The following ZNF365 variants were observed in gnomAD, a reference collection of about 807,000 sequenced individuals.
ZNF365 encodes protein ZNF365.
A neutral mutation model predicts 35.0 loss-of-function variants in ZNF365; 22 were observed. That is an observed-to-expected ratio of 0.63 (90% CI 0.45 to 0.90). The LOEUF (loss-of-function observed/expected upper bound fraction) is 0.90. Ranked by LOEUF, ZNF365 falls within the 40% of genes least tolerant of loss-of-function variation. ZNF365 has a pLI of 0.00. For synonymous variants in ZNF365, 188 were observed against 196.2 expected, an observed-to-expected ratio of 0.96 and a Z score of 0.35; for missense variants, 448 against 500.3, an observed-to-expected ratio of 0.90 and a Z score of 1.00.
intron 4 of ZNF365, among the ~76,000 whole-genome samples, chr10:62,465,043 A>C (rs998159980): frequency 7.9e-5 from 12 of 152,198 alleles, no homozygotes; most frequent in African/African-American, 2.7e-4. Context: ...CCACCCAGCT[A>C]CAGCTCCAGA....
chr10:62,382,130 C>A (rs1839450210), intron 2 of ZNF365, among the ~76,000 whole-genome samples: 1 of 152,162 alleles, frequency 6.6e-6, no homozygotes, highest in Non-Finnish European at 1.5e-5. Flanking sequence ...CCAGAGCTGA[C>A]CTTGGAATGC....
At chr10:62,429,995 T>C (rs993522930) in intron 3 of ZNF365, among the ~76,000 whole-genome samples, 10 of 152,246 alleles carry the variant, frequency 6.6e-5, no homozygotes, top group Admixed American at 4.6e-4. Context: ...GCAGGGTTTA[T>C]ATGAATCTTG....
intron 4 of ZNF365, among the ~76,000 whole-genome samples, chr10:62,469,148 A>G (rs1840992166): frequency 6.6e-6 from 1 of 152,230 alleles, no homozygotes; most frequent in African/African-American, 2.4e-5. Context: ...TGGGAGAGCC[A>G]AAGAATGATA....
chr10:62,456,940 C>T (rs140294931), intron 3 of ZNF365, among the ~76,000 whole-genome samples: 48 of 152,208 alleles, frequency 3.2e-4, no homozygotes, highest in African/African-American at 1.0e-3. Flanking sequence ...CTAGATTGGG[C>T]TTGTTGGGGG....
downstream of ZNF365, among the ~76,000 whole-genome samples, chr10:62,402,743 T>C (rs972500397): frequency 5.9e-5 from 9 of 152,244 alleles, no homozygotes; most frequent in African/African-American, 1.9e-4. Context: ...TCCTACACTG[T>C]ATTTTTAAAC....
intron 3 of ZNF365, among the ~76,000 whole-genome samples, chr10:62,392,925 C>T (rs1375218436): frequency 1.3e-5 from 2 of 152,362 alleles, no homozygotes; most frequent in South Asian, 4.1e-4. Flanking sequence ...AGCCACCGCA[C>T]CCGGCCCTAT....
exon 5 of ZNF365, chr10:62,480,012 C>A: frequency 6.7e-7 from 1 of 1,503,236 alleles, no homozygotes; most frequent in South Asian, 1.3e-5. Context: ...GTTTTACACT[C>A]CAGGAACTTT....
intron 3 of ZNF365, among the ~76,000 whole-genome samples, chr10:62,423,215 T>TTA (rs1564583790): frequency 6.7e-6 from 1 of 149,906 alleles, no homozygotes; most frequent in East Asian, 2.0e-4. Context: ...AATAGAAACT[T>TTA]AAAAAAAAAA....
At chr10:62,382,697 G>A (rs781020576) in intron 2 of ZNF365, among the ~76,000 whole-genome samples, 24 of 152,182 alleles carry the variant, frequency 1.6e-4, no homozygotes, top group Non-Finnish European at 2.9e-4. Context: ...TCAGGCCTGT[G>A]GTGCCGGAAA....
intron 3 of ZNF365, among the ~76,000 whole-genome samples, chr10:62,431,356 C>A (rs1840330856): frequency 6.6e-6 from 1 of 152,196 alleles, no homozygotes; most frequent in Admixed American, 6.6e-5. Context: ...AAACACTTAA[C>A]AAACTCACAC....
At chr10:62,464,010 T>TA (rs1377361629) in intron 4 of ZNF365, among the ~76,000 whole-genome samples, 2 of 152,054 alleles carry the variant, frequency 1.3e-5, no homozygotes, top group South Asian at 2.1e-4. Context: ...ACATTATCAA[T>TA]AAAAAAACAA....
intron 3 of ZNF365, among the ~76,000 whole-genome samples, chr10:62,412,104 C>T (rs561818590): frequency 3.9e-5 from 6 of 152,248 alleles, no homozygotes; most frequent in African/African-American, 1.4e-4. Context: ...AAATTGGCTT[C>T]TTCCCTGGGA....
chr10:62,418,261 A>G (rs1291191255), intron 3 of ZNF365, among the ~76,000 whole-genome samples: 1 of 152,048 alleles, frequency 6.6e-6, no homozygotes, highest in East Asian at 1.9e-4. Context: ...CAATATTTAT[A>G]TGGTTTGGAG....
chr10:62,391,593 G>A (rs1358321254), intron 3 of ZNF365, among the ~76,000 whole-genome samples: 2 of 152,208 alleles, frequency 1.3e-5, no homozygotes, highest in Non-Finnish European at 2.9e-5. Context: ...TTTTATGGCT[G>A]AGTGGTATTC....
At chr10:62,388,633 GC>G (rs1424629950) in intron 3 of ZNF365, 57 bp downstream of exon 3, 2 of 1,590,462 alleles carry the variant, frequency 1.3e-6, no homozygotes, top group African/African-American at 1.3e-5. Flanking sequence ...GTGAGAATGG[GC>G]TGAGGACAGA....
chr10:62,459,237 T>C lies in ZNF365; in HGVS notation c.925-504T>C, dbSNP rs547819718. Among the ~76,000 whole-genome samples, 25 of 152,340 alleles carry C rather than the reference T, an allele frequency of 1.6e-4. No individual in the cohort carries two copies. In the Middle Eastern group the frequency reaches 0.014, roughly 83 times the overall value. ...TTCCAGGAGAAAACCATGACTCACA[T>C]GGGGATGACTTCAATGGCATCTGGT... On this transcript the variant is annotated intron_variant, in intron 3 of 4. Transcript: ENST00000395255.
At chr10:62,405,474 C>T (rs540031624), downstream of ZNF365, among the ~76,000 whole-genome samples, 2 of 152,274 alleles carry the variant, frequency 1.3e-5, no homozygotes, top group Admixed American at 6.5e-5. Flanking sequence ...TCAGCCAATG[C>T]TCCTTCACCG....
chr10:62,424,760 G>T (rs1466191264), intron 3 of ZNF365, among the ~76,000 whole-genome samples: 2 of 152,224 alleles, frequency 1.3e-5, no homozygotes, highest in African/African-American at 4.8e-5. Flanking sequence ...ATGGCCTACA[G>T]TGCCCCAGTT....
intron 4 of ZNF365, among the ~76,000 whole-genome samples, chr10:62,469,224 A>T (rs1010918573): frequency 6.6e-6 from 1 of 152,204 alleles, no homozygotes; most frequent in Non-Finnish European, 1.5e-5. Context: ...AAAAATGTCT[A>T]GGAAAGCTTC....
Sources: allele counts gnomAD v4.1 joint callset (sites outside exome capture counted in the v4.1 genomes callset), GRCh38; gene constraint gnomAD v4.1.1; transcripts MANE v1.5; gene names NCBI Gene and HGNC (gene_info 2026-07-23, HGNC 2026-07-21).